The following VAV1 variants were observed in gnomAD, a reference collection of about 807,000 sequenced individuals.
VAV1 encodes the protein vav guanine nucleotide exchange factor 1.
Under a neutral mutation model 128.1 loss-of-function variants are expected in VAV1, and 33 were observed. That is an observed-to-expected ratio of 0.26 (90% CI 0.20 to 0.34). The LOEUF (loss-of-function observed/expected upper bound fraction) is 0.34, where lower values mean the gene tolerates loss of function less well. Among genes scored for constraint, VAV1 ranks in the 10% least tolerant of loss-of-function variants. The pLI is 1.00. For synonymous variants in VAV1, 394 were observed against 409.8 expected, an observed-to-expected ratio of 0.96 and a Z score of 0.47; for missense variants, 715 against 1,093.7, an observed-to-expected ratio of 0.65 and a Z score of 4.88.
chr19:6,848,108 G>C lies in VAV1; in HGVS notation c.2123G>C (p.Ser708Thr). ...RVKDAAEFAI[S>T]IKYNVEVKHI... is the part of the protein sequence containing the mutation. The stretch of plus-strand genomic sequence containing the variant: ...AAGGATGCAGCAGAATTTGCCATCA[G>C]CATTAAGTAACTCCTTTCTCCCTGA... Residue 708 changes from serine (S) to threonine (T), a missense_variant, in exon 23 of 27, where the codon AGC becomes ACC. Ser to Thr is a moderately conservative substitution (Grantham distance 58). This residue lies in a region of VAV1 where 407 missense variants were observed against 580.6 expected (regional missense o/e 0.70). Transcript: ENST00000602142. 1 of 1,550,736 alleles carries C rather than the reference G, an allele frequency of 6.4e-7. No individual in the cohort carries two copies. Among genetic ancestry groups the C allele is most frequent in the Non-Finnish European group, 8.7e-7 (1 of 1,155,712 alleles).
At chr19:6,829,966 C>T in intron 14 of VAV1, 48 bp downstream of exon 14, 5 of 1,611,340 alleles carry the variant, frequency 3.1e-6, no homozygotes, top group Non-Finnish European at 4.2e-6. Context: ...CAGTCGGCAG[C>T]TTAGCCCTCT....
At chr19:6,823,997 G>T (rs1971855855) in intron 6 of VAV1, among the ~76,000 whole-genome samples, 1 of 151,618 alleles carries the variant, frequency 6.6e-6, no homozygotes, top group Non-Finnish European at 1.5e-5. Flanking sequence ...GAGTGCAGTG[G>T]CACGATCATA....
intron 6 of VAV1, among the ~76,000 whole-genome samples, chr19:6,823,572 A>G (rs1437690057): frequency 2.6e-5 from 4 of 151,982 alleles, no homozygotes; most frequent in Non-Finnish European, 5.9e-5. Flanking sequence ...GGCTCAAGCA[A>G]TCCTCCTGTA....
At chr19:6,784,396 T>C (rs1313946986) in intron 1 of VAV1, among the ~76,000 whole-genome samples, 2 of 151,940 alleles carry the variant, frequency 1.3e-5, no homozygotes, top group Non-Finnish European at 2.9e-5. Flanking sequence ...GTTGGGCTGA[T>C]TGGAAAACCT....
At chr19:6,836,267 G>C (rs1243278047) in intron 19 of VAV1, 165 bp from the exon 20 acceptor site, 6 of 856,702 alleles carry the variant, frequency 7.0e-6, no homozygotes, top group Non-Finnish European at 1.1e-5. Context: ...TTTACAAAGA[G>C]TATCCCCACC....
chr19:6,826,433 G>A lies in VAV1; in HGVS notation c.828-179G>A, dbSNP rs1971920305. Among the ~76,000 whole-genome samples the A allele has an allele frequency of 6.6e-6, 1 of 152,214 alleles. No individual in the cohort carries two copies. The highest frequency in any genetic ancestry group is 2.1e-4 in the South Asian group (1 of 4,822). ...TGGTGAAATTACTGTAGCATTAAAT[G>A]AGATAATGCTACAATAGCCTCACAT... On this transcript the variant is annotated intron_variant, in intron 8 of 26. Transcript: ENST00000602142. This position sits in a 1 kb window ranked among gnomAD's most constrained non-coding sequence, Gnocchi z 4.1.
At chr19:6,808,799 T>TC (rs1231253027) in intron 1 of VAV1, among the ~76,000 whole-genome samples, 1 of 152,172 alleles carries the variant, frequency 6.6e-6, no homozygotes, top group Non-Finnish European at 1.5e-5. Context: ...AGATAGGTGA[T>TC]CTCTGTGGTT....
intron 19 of VAV1, 94 bp from the exon 20 acceptor site, chr19:6,836,338 A>C: frequency 6.7e-7 from 1 of 1,486,080 alleles, no homozygotes; most frequent in East Asian, 2.4e-5. Context: ...TTGCCAGTCT[A>C]AAAAGAAAAA....
chr19:6,846,042 AATT>A (rs531778648), intron 22 of VAV1, among the ~76,000 whole-genome samples: 1 of 148,876 alleles, frequency 6.7e-6, no homozygotes, highest in South Asian at 2.1e-4. Context: ...GGTGACATAA[AATT>A]ATATATTATG....
intron 1 of VAV1, among the ~76,000 whole-genome samples, chr19:6,795,567 A>G (rs1021681452): frequency 4.6e-5 from 7 of 152,008 alleles, no homozygotes; most frequent in African/African-American, 1.5e-4. Context: ...CAATATTGCT[A>G]TTGGTCTGAG....
In VAV1 at chr19:6,828,012, C is replaced by T. The variant is rs1005030616; in HGVS notation, c.928-64C>T. ...CGTATTTATTCAAATCTATCTGCAC[C>T]CACCCTGCAACTGGCTGTTTCTGGG... On this transcript the variant is annotated intron_variant, in intron 9 of 26. Transcript: ENST00000602142. The surrounding 1 kb of genome is among the most constrained non-coding windows in gnomAD (Gnocchi z 4.5). 7.8e-6 allele frequency: 11 copies of T among 1,414,286 alleles called. No individual in the cohort carries two copies. The African/African-American group carries it at 1.6e-4, about 20-fold the overall frequency. 87.6% of individuals were successfully genotyped at this position (1,414,286 alleles called of 1,614,324 possible). A position where few individuals can be genotyped will look rare whatever the true frequency, so the allele number is the denominator to read the frequency against.
intron 18 of VAV1, 62 bp from the exon 19 acceptor site, chr19:6,833,846 G>C: frequency 6.2e-7 from 1 of 1,613,710 alleles, no homozygotes; most frequent in Non-Finnish European, 8.5e-7. Flanking sequence ...AGGAGAGTAA[G>C]GGGGCCTACA....
intron 1 of VAV1, among the ~76,000 whole-genome samples, chr19:6,783,522 T>C (rs1970814352): frequency 6.9e-6 from 1 of 144,018 alleles, no homozygotes; most frequent in Non-Finnish European, 1.5e-5. Context: ...TCCTCCAGGC[T>C]GGAGTGCAAT....
chr19:6,826,857 C>T lies in VAV1; in HGVS notation c.927+146C>T. ...AAAGGACTAGGGAGGGAGGTACTAGCCAGCCAAGCAGAGGAAATGGAGAAG... is the reference window on the plus strand; with the variant it reads ...AAAGGACTAGGGAGGGAGGTACTAGTCAGCCAAGCAGAGGAAATGGAGAAG... On this transcript the variant is annotated intron_variant, in intron 9 of 26. Coordinates refer to ENST00000602142, the MANE Select transcript of VAV1 (RefSeq NM_005428.4). The surrounding 1 kb of genome is among the most constrained non-coding windows in gnomAD (Gnocchi z 4.1). 1 of 673,694 alleles carries T rather than the reference C, an allele frequency of 1.5e-6. No homozygotes were observed. Among genetic ancestry groups the T allele is most frequent in the Non-Finnish European group, 2.6e-6 (1 of 386,256 alleles). The allele number at this position is 673,694 out of a possible 1,614,324, so 41.7% of individuals were successfully genotyped here.
At chr19:6,795,839 G>A (rs1413402782) in intron 1 of VAV1, among the ~76,000 whole-genome samples, 2 of 152,088 alleles carry the variant, frequency 1.3e-5, no homozygotes, top group African/African-American at 4.8e-5. Context: ...GCGTGCCACC[G>A]CGCCCAGCTA....
Position 6,833,833 on chromosome 19 carries a change from G to A in VAV1, c.1732-75G>A, listed in dbSNP as rs962323927. 14 of 1,613,536 alleles carry A rather than the reference G, an allele frequency of 8.7e-6. No homozygotes were observed. The Admixed American group carries it at 1.3e-4, about 15-fold the overall frequency. On this transcript the variant is annotated intron_variant, in intron 18 of 26. Transcript: ENST00000602142. ...GGAACTGGGCAGGATCCTTTGTGGG[G>A]TGAGGAGAGTAAGGGGGCCTACAAG...
Position 6,817,853 on chromosome 19 carries a change from A to AT in VAV1, c.205-2843dup, listed in dbSNP as rs540112993. Among the ~76,000 whole-genome samples the AT allele has an allele frequency of 1.6e-4, 24 of 151,894 alleles. No individual in the cohort carries two copies. In the East Asian group the frequency reaches 2.5e-3, roughly 16 times the overall value. On this transcript the variant is annotated intron_variant, in intron 1 of 26. Coordinates refer to ENST00000602142, the MANE Select transcript of VAV1 (RefSeq NM_005428.4). ...AGGCACCCGCCACCTTGCCTGGCTA[A>AT]TTTTTTGTGTTTTTAGTAGAGACGG...
intron 1 of VAV1, among the ~76,000 whole-genome samples, chr19:6,781,769 A>G (rs1970771840): frequency 6.6e-6 from 1 of 152,024 alleles, no homozygotes; most frequent in Admixed American, 6.6e-5. Context: ...CAAGATGCCC[A>G]GCTAATTTTT....
Position 6,826,651 on chromosome 19 carries a change from A to G in VAV1, c.867A>G (p.Ser289=). The G allele has an allele frequency of 6.4e-7, 1 of 1,562,194 alleles. No homozygotes were observed. ...GCCGCTACTGCAGCCAGGTGGAGTC[A>G]GCCAGCAAACACCTGGACCGTGTGG... The part of the protein sequence containing the change: ...VYGRYCSQVE[S]ASKHLDRVAA... Residue 289 remains serine, a synonymous_variant, in exon 9 of 27, where the codon TCA becomes TCG. Transcript: ENST00000602142. This position sits in a 1 kb window ranked among gnomAD's most constrained non-coding sequence, Gnocchi z 4.1.
Sources: gnomAD v4.1 joint callset for allele counts (sites outside exome capture counted in the v4.1 genomes callset) on GRCh38, gnomAD v4.1.1 for gene constraint, gnomAD v4.1.1 regional missense constraint, Gnocchi (gnomAD v3.1) non-coding constraint, MANE v1.5 for transcripts, NCBI Gene and HGNC (gene_info 2026-07-23, HGNC 2026-07-21) for gene names.